HEATR5B: variants seen among roughly 807,000 people sequenced by gnomAD.
HEATR5B encodes HEAT repeat-containing protein 5B.
A neutral mutation model predicts 224.1 loss-of-function variants in HEATR5B; 156 were observed. The ratio of observed to expected loss-of-function variants is 0.70; its 90% CI spans 0.61 to 0.80. The LOEUF is 0.80. HEATR5B is among the 30% of genes least tolerant of loss of function. The pLI, the probability that HEATR5B is intolerant of heterozygous loss-of-function variation, is 0.00. For synonymous variants in HEATR5B, 1,027 were observed against 893.0 expected, an observed-to-expected ratio of 1.15 and a Z score of -2.68; for missense variants, 2,323 against 2,535.5, an observed-to-expected ratio of 0.92 and a Z score of 1.80.
chr2:37,045,291 G>A (rs1295623937), intron 18 of HEATR5B, among the ~76,000 whole-genome samples: 1 of 151,846 alleles, frequency 6.6e-6, no homozygotes, highest in African/African-American at 2.4e-5. Flanking sequence ...TTGGATACAG[G>A]ATATTGTGAA....
intron 14 of HEATR5B, 55 bp downstream of exon 14, chr2:37,058,396 C>T (rs1481324054): frequency 2.3e-5 from 23 of 979,758 alleles, no homozygotes; most frequent in African/African-American, 1.6e-4. Context: ...CTCTATAATA[C>T]GGTGAAGAAT....
At chr2:37,016,962 A>G (rs1025154100) in intron 26 of HEATR5B, among the ~76,000 whole-genome samples, 1 of 152,170 alleles carries the variant, frequency 6.6e-6, no homozygotes, top group Non-Finnish European at 1.5e-5. Context: ...TGAACATGAA[A>G]AGAAAGAGCT....
chr2:37,001,163 T>A (rs1262879683), intron 32 of HEATR5B, among the ~76,000 whole-genome samples: 1 of 152,190 alleles, frequency 6.6e-6, no homozygotes, highest in Non-Finnish European at 1.5e-5. Flanking sequence ...GTGGGAAGCA[T>A]CTGAGTAACT....
chr2:37,028,817 T>G lies in HEATR5B; in HGVS notation c.3465A>C (p.Gly1155=). ...TTCGATCTGTCTCCCGGTCTAGCAT[T>G]CCAAAAAGAAGTCCCTCAAGACCAG... The part of the protein sequence containing the change: ...TETGLEGLLF[G]MLDRETDRKL... Residue 1155 remains glycine, a synonymous_variant, in exon 23 of 36, where the codon GGA becomes GGC. Coordinates refer to ENST00000233099, the MANE Select transcript of HEATR5B (RefSeq NM_019024.3). The G allele has an allele frequency of 6.2e-7, 1 of 1,614,090 alleles. No homozygotes were observed. Among genetic ancestry groups the G allele is most frequent in the Admixed American group, 1.7e-5 (1 of 60,004 alleles).
chr2:37,025,159 T>C (rs1292153538), intron 24 of HEATR5B, among the ~76,000 whole-genome samples: 2 of 152,068 alleles, frequency 1.3e-5, no homozygotes, highest in Non-Finnish European at 2.9e-5. Flanking sequence ...TGGCAGGCGG[T>C]GATGTTAGAA....
intron 33 of HEATR5B, 26 bp from the exon 34 acceptor site, chr2:36,990,825 T>A: frequency 6.5e-7 from 1 of 1,527,716 alleles, no homozygotes; most frequent in Non-Finnish European, 8.8e-7. Flanking sequence ...GAAAGAAGTG[T>A]GCTGTTTCTA....
intron 22 of HEATR5B, 142 bp from the exon 23 acceptor site, chr2:37,029,062 C>T (rs1668956837): frequency 2.9e-6 from 2 of 700,182 alleles, no homozygotes; most frequent in Non-Finnish European, 4.7e-6. Flanking sequence ...ACTATGGCCT[C>T]TAGTTTACAT....
rs531720537 is a variant in HEATR5B, at chr2:36,985,705, T to C, written c.5911+2941A>G. Among the ~76,000 whole-genome samples, 4 of 148,256 alleles carry C rather than the reference T, an allele frequency of 2.7e-5. No homozygotes were observed. In the East Asian group the frequency reaches 7.9e-4, roughly 29 times the overall value. On this transcript the variant is annotated intron_variant, in intron 35 of 35. Coordinates refer to ENST00000233099, the MANE Select transcript of HEATR5B (RefSeq NM_019024.3). ...TGGTCCTGAACTCCTGAACTCGTGA[T>C]CCATCCGCTTTGGTCTCCCAAAGTG...
intron 21 of HEATR5B, among the ~76,000 whole-genome samples, chr2:37,033,326 G>C (rs1669258759): frequency 6.6e-6 from 1 of 152,000 alleles, no homozygotes; most frequent in African/African-American, 2.4e-5. Flanking sequence ...CAAAATAATT[G>C]TCCCAAGATC....
chr2:37,029,130 G>C (rs1413084527), intron 22 of HEATR5B, among the ~76,000 whole-genome samples: 1 of 152,096 alleles, frequency 6.6e-6, no homozygotes, highest in Non-Finnish European at 1.5e-5. Flanking sequence ...CTGTAAAACT[G>C]ATTATTCTGA....
intron 33 of HEATR5B, among the ~76,000 whole-genome samples, chr2:37,000,224 C>T (rs765281682): frequency 3.3e-5 from 5 of 151,946 alleles, no homozygotes; most frequent in Non-Finnish European, 4.4e-5. Context: ...ATTACAGGCA[C>T]GTGCCACCAT....
intron 22 of HEATR5B, among the ~76,000 whole-genome samples, chr2:37,029,716 G>A (rs1016955276): frequency 1.5e-4 from 23 of 150,984 alleles, no homozygotes; most frequent in African/African-American, 5.4e-4. Flanking sequence ...TGAGGTGGGA[G>A]GTTCACAAGG....
intron 2 of HEATR5B, among the ~76,000 whole-genome samples, chr2:37,081,390 G>T (rs1672559422): frequency 6.6e-6 from 1 of 152,056 alleles, no homozygotes; most frequent in South Asian, 2.1e-4. Flanking sequence ...CCATACTAAA[G>T]GGTAGCAACA....
At chr2:37,050,315 T>G (rs77116517) in intron 17 of HEATR5B, among the ~76,000 whole-genome samples, 5,186 of 152,330 alleles carry the variant, frequency 0.034, 121 homozygotes, top group Non-Finnish European at 0.052. Context: ...AACTGTTCAA[T>G]TCACGGTAAT....
intron 22 of HEATR5B, among the ~76,000 whole-genome samples, chr2:37,032,424 C>T (rs1400103803): frequency 6.6e-6 from 1 of 152,054 alleles, no homozygotes; most frequent in Admixed American, 6.6e-5. Flanking sequence ...CAACACTATG[C>T]CCAACTTGCA....
intron 2 of HEATR5B, among the ~76,000 whole-genome samples, chr2:37,080,034 A>G (rs902280893): frequency 1.3e-5 from 2 of 152,194 alleles, no homozygotes; most frequent in South Asian, 4.1e-4. Flanking sequence ...TGAAGGGGTG[A>G]GCCATGCAGA....
chr2:37,008,837 G>C lies in HEATR5B; in HGVS notation c.4296C>G (p.Val1432=). The change falls in exon 28 of 36, where the codon GTC becomes GTG. Residue 1432 remains valine, a synonymous_variant. Coordinates refer to ENST00000233099, the MANE Select transcript of HEATR5B (RefSeq NM_019024.3). ...CTGCTTCCTTTTTAATATTCATAGC[G>C]ACCACATATACCTAATATGATATTT... ...VLKAWAEVYV[V]AMNIKKEAES... is the part of the protein sequence containing the mutation. The C allele has an allele frequency of 6.3e-7, 1 of 1,594,294 alleles. No individual in the cohort carries two copies. The highest frequency in any genetic ancestry group is 1.3e-5 in the African/African-American group (1 of 74,516).
chr2:37,009,726 C>CA (rs1482515054), intron 27 of HEATR5B, among the ~76,000 whole-genome samples: 1 of 151,716 alleles, frequency 6.6e-6, no homozygotes, highest in Non-Finnish European at 1.5e-5. Flanking sequence ...GTAGCCTTCT[C>CA]AGAGTTTTTT....
intron 5 of HEATR5B, 62 bp from the exon 6 acceptor site, chr2:37,072,343 G>T: frequency 8.3e-7 from 1 of 1,211,844 alleles, no homozygotes; most frequent in Non-Finnish European, 1.2e-6. Flanking sequence ...AGATGGAATA[G>T]CAAGAACCAG....
Sources: gnomAD v4.1 joint callset for allele counts (sites outside exome capture counted in the v4.1 genomes callset) on GRCh38, gnomAD v4.1.1 for gene constraint, MANE v1.5 for transcripts, NCBI Gene and HGNC (gene_info 2026-07-23, HGNC 2026-07-21) for gene names.